MGAT4C: variants seen among roughly 807,000 people sequenced by gnomAD.
MGAT4C encodes the protein alpha-1,3-mannosyl-glycoprotein 4-beta-N-acetylglucosaminyltransferase C.
A neutral mutation model predicts 40.1 loss-of-function variants in MGAT4C; 19 were observed. That is an observed-to-expected ratio of 0.47 (90% CI 0.33 to 0.70). The LOEUF is 0.70. Ranked by LOEUF, MGAT4C falls within the 30% of genes least tolerant of loss-of-function variation. MGAT4C has a pLI of 0.02. For missense variants in MGAT4C, 491 were observed against 563.2 expected (o/e 0.87, Z 1.30); for synonymous variants, 181 against 187.1 (o/e 0.97, Z 0.27).
chr12:86,215,657 C>T (rs114751177), intron 1 of MGAT4C, among the ~76,000 whole-genome samples: 40 of 152,224 alleles, frequency 2.6e-4, no homozygotes, highest in African/African-American at 8.4e-4. Context: ...CTGTGGGGAG[C>T]TCTCTGAACT....
At chr12:86,723,707 G>T (rs1366223771) in intron 2 of MGAT4C, among the ~76,000 whole-genome samples, 2 of 152,084 alleles carry the variant, frequency 1.3e-5, no homozygotes, top group African/African-American at 4.8e-5. Context: ...ATGAGTTTGG[G>T]GGGGACACAA....
intron 1 of MGAT4C, among the ~76,000 whole-genome samples, chr12:86,760,075 A>G (rs1464852539): frequency 2.6e-5 from 4 of 152,164 alleles, no homozygotes; most frequent in Admixed American, 1.3e-4. Context: ...ATAAAAACAG[A>G]TACATAGACT....
intron 3 of MGAT4C, among the ~76,000 whole-genome samples, chr12:86,417,029 T>C (rs1307937732): frequency 6.6e-6 from 1 of 152,148 alleles, no homozygotes; most frequent in Non-Finnish European, 1.5e-5. Context: ...ATTTCTATTT[T>C]TTTAAGCCAT....
At chr12:86,074,170 G>A (rs1869181221) in intron 1 of MGAT4C, among the ~76,000 whole-genome samples, 1 of 152,094 alleles carries the variant, frequency 6.6e-6, no homozygotes, top group Non-Finnish European at 1.5e-5. Flanking sequence ...CATGTAAGAA[G>A]TGCCTTTCAC....
chr12:86,727,545 G>A (rs1950842210), intron 1 of MGAT4C, among the ~76,000 whole-genome samples: 1 of 151,698 alleles, frequency 6.6e-6, no homozygotes, highest in Admixed American at 6.6e-5. Context: ...AAGAGGCAAA[G>A]GAAAGCCAGA....
At chr12:86,009,519 TCA>T (rs1237578443) in intron 2 of MGAT4C, among the ~76,000 whole-genome samples, 5 of 152,184 alleles carry the variant, frequency 3.3e-5, no homozygotes, top group African/African-American at 1.2e-4. Flanking sequence ...GTCTTTGAGT[TCA>T]CTCTCCTTGT....
rs1959447051 is a variant in MGAT4C, at chr12:86,553,118, T to A, written c.-228-117853A>T. 2.6e-5 allele frequency among the ~76,000 whole-genome samples: 4 copies of A among 152,140 alleles called. No homozygotes were observed. In the South Asian group the frequency reaches 8.3e-4, roughly 31 times the overall value. On this transcript the variant is annotated intron_variant, in intron 2 of 7. Transcript: ENST00000548651. The stretch of plus-strand genomic sequence containing the variant: ...CAGAGCTTGTGTACCGGCACATAAT[T>A]ATCAAGCAAATCACTTAAGGTCAAT...
Position 86,515,490 on chromosome 12 carries a change from GAAC to G in MGAT4C, c.-228-80228_-228-80226del, listed in dbSNP as rs1174025202. 7.9e-5 allele frequency among the ~76,000 whole-genome samples: 12 copies of G among 151,776 alleles called. No homozygotes were observed. In the South Asian group the frequency reaches 1.0e-3, roughly 13 times the overall value. On this transcript the variant is annotated intron_variant, in intron 2 of 7. Coordinates refer to the MGAT4C transcript ENST00000548651. The stretch of plus-strand genomic sequence containing the variant: ...AATTATATTTTTATACACTAGCAAA[GAAC>G]AACTTAAAAATGGAATTTTTAAAAT...
intron 4 of MGAT4C, among the ~76,000 whole-genome samples, chr12:86,264,575 C>A (rs1029292491): frequency 6.6e-5 from 10 of 152,278 alleles, no homozygotes; most frequent in East Asian, 5.8e-4. Context: ...TCCTGCTTCC[C>A]AGGTGAAGCT....
intron 2 of MGAT4C, among the ~76,000 whole-genome samples, chr12:86,461,496 C>T (rs911174710): frequency 8.5e-5 from 13 of 152,088 alleles, no homozygotes; most frequent in African/African-American, 2.2e-4. Context: ...CCACCCTCCT[C>T]GGCCTCCCAA....
rs199854209 is a variant in MGAT4C at position 86,814,303 on chromosome 12, TATATATATACGTATATATACATATAC to T, written c.-262+24337_-262+24362del. On this transcript the variant is annotated intron_variant, in intron 1 of 7. Coordinates refer to the MGAT4C transcript ENST00000548651. ...ATATATACATATATATACATATACG[TATATATATACGTATATATACATATAC>T]GTATATATATACATATATATACATA... Among the ~76,000 whole-genome samples the T allele has an allele frequency of 7.8e-3, 540 of 68,974 alleles. 44 individuals carry two copies. Among genetic ancestry groups the T allele is most frequent in the African/African-American group, 0.012 (326 of 26,642 alleles). 45.2% of individuals were successfully genotyped at this position (68,974 alleles called of 152,430 possible). A position where few individuals can be genotyped will look rare whatever the true frequency, so the allele number is the denominator to read the frequency against.
At chr12:86,047,596 A>G (rs963960390) in intron 2 of MGAT4C, among the ~76,000 whole-genome samples, 3 of 152,164 alleles carry the variant, frequency 2.0e-5, no homozygotes, top group African/African-American at 7.2e-5. Context: ...CTTGTGGCCC[A>G]CCCATAGTGG....
intron 2 of MGAT4C, among the ~76,000 whole-genome samples, chr12:86,556,613 T>G (rs1959623326): frequency 6.6e-6 from 1 of 152,216 alleles, no homozygotes; most frequent in African/African-American, 2.4e-5. Flanking sequence ...ATCTGAATTT[T>G]TAAAAAGCCG....
At chr12:86,426,284 A>G (rs1333080950) in intron 3 of MGAT4C, among the ~76,000 whole-genome samples, 3 of 152,184 alleles carry the variant, frequency 2.0e-5, no homozygotes, top group African/African-American at 7.2e-5. Flanking sequence ...TTACGCTGCC[A>G]TTCGTTTACC....
intron 1 of MGAT4C, among the ~76,000 whole-genome samples, chr12:86,162,121 T>C (rs758990321): frequency 4.6e-5 from 7 of 152,174 alleles, no homozygotes; most frequent in Non-Finnish European, 8.8e-5. Flanking sequence ...AGCTACCTTT[T>C]AACTGAGCAA....
At chr12:86,457,023 G>T (rs1045426301) in intron 2 of MGAT4C, among the ~76,000 whole-genome samples, 1 of 152,004 alleles carries the variant, frequency 6.6e-6, no homozygotes, top group East Asian at 1.9e-4. Context: ...AATCTCAGAT[G>T]GTCCAGGACG....
rs111972219 is a variant in MGAT4C at position 86,497,833 on chromosome 12, T to A, written c.-228-62568A>T. On this transcript the variant is annotated intron_variant, in intron 2 of 7. Coordinates refer to the MGAT4C transcript ENST00000548651. ...TGCTATAGCTCTATGCAAATTCTTT[T>A]TCTCAAAAAACTGGCCTTTTCACCT... 3.3e-3 allele frequency among the ~76,000 whole-genome samples: 487 copies of A among 148,286 alleles called. 2 individuals are homozygous for A. The highest frequency in any genetic ancestry group is 0.012 in the African/African-American group (471 of 40,708).
chr12:86,572,393 T>C (rs1960401631), intron 2 of MGAT4C, among the ~76,000 whole-genome samples: 1 of 152,096 alleles, frequency 6.6e-6, no homozygotes, highest in Non-Finnish European at 1.5e-5. Flanking sequence ...CTATAACCAA[T>C]ATGTCTCTCA....
intron 2 of MGAT4C, among the ~76,000 whole-genome samples, chr12:86,708,454 G>T (rs1198428211): frequency 6.6e-6 from 1 of 152,206 alleles, no homozygotes; most frequent in Non-Finnish European, 1.5e-5. Flanking sequence ...GGAAATGTGG[G>T]GTTGGAGCTC....
Sources: gnomAD v4.1 joint callset for allele counts (sites outside exome capture counted in the v4.1 genomes callset) on GRCh38, gnomAD v4.1.1 for gene constraint, MANE v1.5 for transcripts, NCBI Gene and HGNC (gene_info 2026-07-23, HGNC 2026-07-21) for gene names.